The following ARHGAP12 variants were observed in gnomAD, a reference collection of about 807,000 sequenced individuals.
ARHGAP12 encodes the protein Rho GTPase activating protein 12.
A neutral mutation model predicts 108.6 loss-of-function variants in ARHGAP12; 64 were observed. The ratio of observed to expected loss-of-function variants is 0.59; its 90% CI spans 0.48 to 0.73. The LOEUF is 0.73. Among genes scored for constraint, ARHGAP12 ranks in the 30% least tolerant of loss-of-function variants. The probability of loss-of-function intolerance (pLI) is 0.00; values close to 1 mark genes in which losing one functional copy is unlikely to be tolerated. For missense variants in ARHGAP12, 940 were observed against 1,005.9 expected, an observed-to-expected ratio of 0.93 and a Z score of 0.89; for synonymous variants, 312 against 337.2, an observed-to-expected ratio of 0.93 and a Z score of 0.82.
intron 16 of ARHGAP12, 66 bp from the exon 17 acceptor site, chr10:31,809,373 T>C: frequency 7.1e-7 from 1 of 1,409,286 alleles, no homozygotes; most frequent in Non-Finnish European, 1.0e-6. Context: ...TCTGAACACG[T>C]TTGCATGTGT....
At chr10:31,927,088 T>C (rs1840078979) in intron 1 of ARHGAP12, among the ~76,000 whole-genome samples, 1 of 152,328 alleles carries the variant, frequency 6.6e-6, no homozygotes, top group Non-Finnish European at 1.5e-5. Flanking sequence ...AGAAACACTT[T>C]TAGAACAGTG....
chr10:31,820,340 A>C (rs761581780), intron 12 of ARHGAP12, 47 bp downstream of exon 12: 7 of 1,445,192 alleles, frequency 4.8e-6, no homozygotes, highest in Non-Finnish European at 6.6e-6. Context: ...CAGAACATCC[A>C]ATTACTACAG....
At chr10:31,923,278 C>T (rs1458338981) in intron 1 of ARHGAP12, among the ~76,000 whole-genome samples, 1 of 151,952 alleles carries the variant, frequency 6.6e-6, no homozygotes, top group Non-Finnish European at 1.5e-5. Context: ...GAAATGTCAC[C>T]ACACATCTCA....
chr10:31,876,466 C>T (rs892894012), intron 3 of ARHGAP12, among the ~76,000 whole-genome samples: 2 of 151,296 alleles, frequency 1.3e-5, no homozygotes, highest in African/African-American at 4.9e-5. Context: ...GCCAAAACGG[C>T]ACCACTGCAC....
In ARHGAP12 at chr10:31,854,280, A is replaced by G. The variant is rs2808090; in HGVS notation, c.949-74T>C. ...TGAATTGGTTGAAAATCTAATAAAT[A>G]AATTTTACTTGACTATAAGTATGAA... is the stretch of plus-strand genomic sequence containing the variant. On this transcript the variant is annotated intron_variant, in intron 4 of 19. Coordinates refer to ENST00000344936, the MANE Select transcript of ARHGAP12 (RefSeq NM_018287.7). 1.7e-5 allele frequency: 22 copies of G among 1,313,444 alleles called. No individual in the cohort carries two copies. In the East Asian group the frequency reaches 5.7e-4, roughly 34 times the overall value. 81.4% of individuals were successfully genotyped at this position (1,313,444 alleles called of 1,614,324 possible). A position where few individuals can be genotyped will look rare whatever the true frequency, so the allele number is the denominator to read the frequency against.
At chr10:31,897,516 T>C (rs1416253294) in intron 3 of ARHGAP12, among the ~76,000 whole-genome samples, 2 of 152,214 alleles carry the variant, frequency 1.3e-5, no homozygotes, top group Admixed American at 6.5e-5. Context: ...TTAAGTAGTA[T>C]CTAAGGAAAA....
chr10:31,879,312 T>C (rs1031275191), intron 3 of ARHGAP12, among the ~76,000 whole-genome samples: 3 of 152,130 alleles, frequency 2.0e-5, no homozygotes, highest in Non-Finnish European at 2.9e-5. Flanking sequence ...CTTGGGAAGC[T>C]GAGGCTGGAG....
chr10:31,890,690 T>C (rs1838390373), intron 3 of ARHGAP12, among the ~76,000 whole-genome samples: 1 of 152,198 alleles, frequency 6.6e-6, no homozygotes, highest in African/African-American at 2.4e-5. Flanking sequence ...GGGACACTAT[T>C]AACTGGCTAT....
At chr10:31,864,780 T>C (rs1837259792) in intron 3 of ARHGAP12, among the ~76,000 whole-genome samples, 2 of 152,234 alleles carry the variant, frequency 1.3e-5, no homozygotes, top group African/African-American at 2.4e-5. Context: ...TTGAGCATCA[T>C]GTACTCAAGC....
chr10:31,866,226 T>C (rs1201908900), intron 3 of ARHGAP12, among the ~76,000 whole-genome samples: 1 of 152,122 alleles, frequency 6.6e-6, no homozygotes, highest in African/African-American at 2.4e-5. Context: ...CTAGACAGTA[T>C]CAAATTCAAA....
intron 10 of ARHGAP12, among the ~76,000 whole-genome samples, chr10:31,826,624 T>C (rs1835621863): frequency 6.6e-6 from 1 of 152,206 alleles, no homozygotes; most frequent in Non-Finnish European, 1.5e-5. Flanking sequence ...CAGAAATAAC[T>C]ATGAATGAAT....
chr10:31,927,838 T>C (rs11818816), intron 1 of ARHGAP12, among the ~76,000 whole-genome samples: 3 of 152,142 alleles, frequency 2.0e-5, no homozygotes, highest in East Asian at 3.9e-4. Flanking sequence ...TCACTTAAGA[T>C]AGCAACGCGT....
intron 1 of ARHGAP12, among the ~76,000 whole-genome samples, chr10:31,918,315 TCACACACACACACACA>T (rs58245483): frequency 8.9e-4 from 124 of 140,056 alleles, no homozygotes; most frequent in African/African-American, 1.9e-3. Context: ...ATTAGGGAAA[TCACACACACACACACA>T]CACACACACA....
At chr10:31,880,968 T>C (rs1592328262) in intron 3 of ARHGAP12, among the ~76,000 whole-genome samples, 1 of 149,962 alleles carries the variant, frequency 6.7e-6, no homozygotes, top group Non-Finnish European at 1.5e-5. Flanking sequence ...GAGGCTGAGG[T>C]GGAAGGATTA....
chr10:31,817,702 T>C (rs1592247982), intron 13 of ARHGAP12, 86 bp downstream of exon 13: 7 of 868,172 alleles, frequency 8.1e-6, no homozygotes, highest in South Asian at 1.7e-5. Flanking sequence ...CACATATAGA[T>C]TGCAATCCGG....
At chr10:31,876,695 T>C (rs745335533) in intron 3 of ARHGAP12, among the ~76,000 whole-genome samples, 2 of 152,166 alleles carry the variant, frequency 1.3e-5, no homozygotes, top group African/African-American at 4.8e-5. Context: ...CTTAAGTTCA[T>C]ATAACCCCAT....
At chr10:31,892,070 TGTCATCACC>T (rs1257395175) in intron 3 of ARHGAP12, among the ~76,000 whole-genome samples, 7 of 152,280 alleles carry the variant, frequency 4.6e-5, no homozygotes, top group African/African-American at 1.4e-4. Flanking sequence ...GGAGAGATTT[TGTCATCACC>T]AGGCCTGCCC....
chr10:31,818,477 A>C (rs1489153210), intron 12 of ARHGAP12, among the ~76,000 whole-genome samples: 1 of 152,192 alleles, frequency 6.6e-6, no homozygotes, highest in East Asian at 1.9e-4. Context: ...TTCTATATGA[A>C]GGCAATAACT....
At position 31,805,677 on chromosome 10, in the gene ARHGAP12, C is replaced by T. The variant is rs1834797493; in HGVS notation, c.*1981G>A. On this transcript the variant is annotated 3_prime_UTR_variant, in exon 20 of 20. Transcript: ENST00000344936. The stretch of plus-strand genomic sequence containing the variant: ...ACACACACACACACACACACACACA[C>T]ACACACACGTACCTTGAAACAAGAA... 6.6e-6 allele frequency: 1 copy of T among 151,884 alleles called. No individual in the cohort carries two copies. The highest frequency in any genetic ancestry group is 1.5e-5 in the Non-Finnish European group (1 of 68,060). The allele number at this position is 151,884 out of a possible 1,614,324, so 9.4% of individuals were successfully genotyped here. A position where few individuals can be genotyped will look rare whatever the true frequency, so the allele number is the denominator to read the frequency against.
Sources: allele counts gnomAD v4.1 joint callset (sites outside exome capture counted in the v4.1 genomes callset), GRCh38; gene constraint gnomAD v4.1.1; transcripts MANE v1.5; gene names NCBI Gene and HGNC (gene_info 2026-07-23, HGNC 2026-07-21).